The following ADGRF5 variants were observed in gnomAD, a reference collection of about 807,000 sequenced individuals.
ADGRF5 encodes the protein G-protein coupled receptor 116.
A neutral mutation model predicts 132.3 loss-of-function variants in ADGRF5; 75 were observed. The ratio of observed to expected loss-of-function variants is 0.57; its 90% CI spans 0.47 to 0.69. The LOEUF (loss-of-function observed/expected upper bound fraction) is 0.69, where lower values mean the gene tolerates loss of function less well. Among genes scored for constraint, ADGRF5 ranks in the 30% least tolerant of loss-of-function variants. ADGRF5 has a pLI of 0.00. For missense variants in ADGRF5, 1,516 were observed against 1,630.6 expected (o/e 0.93, Z 1.21); for synonymous variants, 629 against 597.6 (o/e 1.05, Z -0.77).
At chr6:46,913,509 A>G (rs1017746228) in intron 1 of ADGRF5, among the ~76,000 whole-genome samples, 4 of 151,976 alleles carry the variant, frequency 2.6e-5, no homozygotes, top group Non-Finnish European at 4.4e-5. Flanking sequence ...CAAAAAAAAA[A>G]AAGAAGAAGA....
At chr6:46,892,213 AAG>A (rs1432956964) in intron 3 of ADGRF5, among the ~76,000 whole-genome samples, 7 of 143,702 alleles carry the variant, frequency 4.9e-5, no homozygotes, top group African/African-American at 1.5e-4. Flanking sequence ...CACACACAGA[AAG>A]AGAGAGAGAG....
At chr6:46,889,213 TAG>T (rs963395000) in intron 3 of ADGRF5, among the ~76,000 whole-genome samples, 8 of 146,540 alleles carry the variant, frequency 5.5e-5, no homozygotes, top group Admixed American at 6.9e-5. Flanking sequence ...ATAAAATATA[TAG>T]AGAGAGTATA....
chr6:46,899,830 T>C (rs1198955265), intron 3 of ADGRF5, among the ~76,000 whole-genome samples, 199 bp downstream of exon 3: 1 of 152,034 alleles, frequency 6.6e-6, no homozygotes, highest in East Asian at 1.9e-4. Context: ...GGAGGGTTCT[T>C]ACGTGTTGTT....
At chr6:46,883,913 T>C (rs1487091876) in intron 5 of ADGRF5, among the ~76,000 whole-genome samples, 182 bp downstream of exon 5, 1 of 152,186 alleles carries the variant, frequency 6.6e-6, no homozygotes, top group African/African-American at 2.4e-5. Context: ...AGCTAATTTT[T>C]GCATTTTTAG....
chr6:46,865,200 G>C lies in ADGRF5; in HGVS notation c.1835-3C>G. 6.2e-7 allele frequency: 1 copy of C among 1,602,362 alleles called. No homozygotes were observed. ...TTGTTTTTTGTTAACTTCTTTTGCT[G>C]AAGACAGAATTATTGAAAGAATTAA... On this transcript the variant is annotated splice_region_variant and splice_polypyrimidine_tract_variant and intron_variant, in intron 13 of 20. Transcript: ENST00000283296.
At chr6:46,871,383 A>G (rs1771040294) in intron 11 of ADGRF5, among the ~76,000 whole-genome samples, 2 of 152,202 alleles carry the variant, frequency 1.3e-5, no homozygotes, top group African/African-American at 2.4e-5. Flanking sequence ...TCTCTGGAAC[A>G]GGTGAAATGG....
At chr6:46,889,052 AT>A (rs1336233931) in intron 3 of ADGRF5, among the ~76,000 whole-genome samples, 1 of 151,486 alleles carries the variant, frequency 6.6e-6, no homozygotes, top group Non-Finnish European at 1.5e-5. Flanking sequence ...AATAAAAGAG[AT>A]TTTCAGCTCT....
chr6:46,889,568 G>GTGTGTA (rs1263241979), intron 3 of ADGRF5, among the ~76,000 whole-genome samples: 63 of 77,816 alleles, frequency 8.1e-4, no homozygotes, highest in South Asian at 5.2e-3. Context: ...GTGTGTGTGT[G>GTGTGTA]TATATATATA....
At chr6:46,897,145 T>TACACACACACAC (rs10655432) in intron 3 of ADGRF5, among the ~76,000 whole-genome samples, 1 of 141,780 alleles carries the variant, frequency 7.1e-6, no homozygotes, top group African/African-American at 2.7e-5. Context: ...TGCATATATA[T>TACACACACACAC]ACACACACAC....
chr6:46,943,666 G>A (rs1294974000), intron 1 of ADGRF5, among the ~76,000 whole-genome samples: 3 of 152,118 alleles, frequency 2.0e-5, no homozygotes, highest in African/African-American at 7.2e-5. Flanking sequence ...GGCTCAGAAA[G>A]GTTAAACAAC....
chr6:46,857,893 C>A (rs1227918411), intron 17 of ADGRF5, among the ~76,000 whole-genome samples: 1 of 152,124 alleles, frequency 6.6e-6, no homozygotes, highest in African/African-American at 2.4e-5. Context: ...GTGTATTTAG[C>A]AGAGACTGGC....
At chr6:46,941,068 C>T (rs1370493713) in intron 1 of ADGRF5, among the ~76,000 whole-genome samples, 1 of 152,106 alleles carries the variant, frequency 6.6e-6, no homozygotes, top group East Asian at 1.9e-4. Flanking sequence ...TACTCAGTGG[C>T]TCACATCTCT....
intron 13 of ADGRF5, among the ~76,000 whole-genome samples, chr6:46,865,571 C>T (rs1217878728): frequency 2.6e-5 from 4 of 152,212 alleles, no homozygotes; most frequent in East Asian, 1.9e-4. Context: ...CTAGACCATA[C>T]GCTCCTGGAG....
chr6:46,911,115 T>G (rs1307163164), intron 1 of ADGRF5, among the ~76,000 whole-genome samples: 1 of 152,128 alleles, frequency 6.6e-6, no homozygotes, highest in Non-Finnish European at 1.5e-5. Flanking sequence ...ACTTCTCTGC[T>G]CCCTCTCTAC....
intron 3 of ADGRF5, among the ~76,000 whole-genome samples, chr6:46,899,803 T>A (rs1205658258): frequency 6.6e-6 from 1 of 151,854 alleles, no homozygotes. Context: ...GGAGCAGTGA[T>A]GGCAATGGGG....
At chr6:46,905,884 T>A (rs1254639108) in intron 2 of ADGRF5, among the ~76,000 whole-genome samples, 1 of 152,326 alleles carries the variant, frequency 6.6e-6, no homozygotes, top group East Asian at 1.9e-4. Context: ...CTTATAGATA[T>A]GAACTAATTT....
intron 3 of ADGRF5, among the ~76,000 whole-genome samples, chr6:46,891,100 A>T (rs750948922): frequency 6.6e-6 from 1 of 152,242 alleles, no homozygotes; most frequent in Non-Finnish European, 1.5e-5. Context: ...GGTCTGTCGC[A>T]TATTTTCCTA....
At chr6:46,951,361 G>A (rs1348981369) in intron 1 of ADGRF5, among the ~76,000 whole-genome samples, 4 of 152,210 alleles carry the variant, frequency 2.6e-5, no homozygotes, top group East Asian at 1.9e-4. Flanking sequence ...CCTTGAGAGC[G>A]CCTCGGCAGT....
At position 46,884,235 on chromosome 6, in the gene ADGRF5, C is replaced by T. The variant is rs746461638; in HGVS notation, c.365G>A (p.Cys122Tyr). ...RPAGNEIWCS[C>Y]ETGYGWPRER... is the part of the protein sequence containing the mutation. Reference sequence around the variant, plus strand: ...CCGAGGCCACCCATAACCTGTCTCGCAGGAGCACCAGATTTCATTTCCAGC... The same window carrying T: ...CCGAGGCCACCCATAACCTGTCTCGTAGGAGCACCAGATTTCATTTCCAGC... The change falls in exon 5 of 21, where the codon TGC becomes TAC. Residue 122 changes from cysteine (C) to tyrosine (Y), a missense_variant. Physicochemically the swap from Cys to Tyr is radical, Grantham distance 194. Transcript: ENST00000283296. 1 of 1,613,938 alleles carries T rather than the reference C, an allele frequency of 6.2e-7. No homozygotes were observed. Among genetic ancestry groups the T allele is most frequent in the Non-Finnish European group, 8.5e-7 (1 of 1,179,842 alleles).
Sources: allele counts gnomAD v4.1 joint callset (sites outside exome capture counted in the v4.1 genomes callset), GRCh38; gene constraint gnomAD v4.1.1; transcripts MANE v1.5; gene names NCBI Gene and HGNC (gene_info 2026-07-23, HGNC 2026-07-21).